The following KLF13 variants were observed in gnomAD, a reference collection of about 807,000 sequenced individuals.
KLF13 encodes the protein KLF transcription factor 13.
A neutral mutation model predicts 16.7 loss-of-function variants in KLF13; 8 were observed. The observed-to-expected ratio is 0.48, with a 90% confidence interval of 0.28 to 0.87. KLF13 has a LOEUF of 0.87. Ranked by LOEUF, KLF13 falls within the 40% of genes least tolerant of loss-of-function variation. The pLI is 0.10. For missense variants in KLF13, 447 were observed against 452.2 expected (o/e 0.99, Z 0.10); for synonymous variants, 245 against 208.4 (o/e 1.18, Z -1.51).
At chr15:31,408,337 G>A (rs2040152189), downstream of KLF13, among the ~76,000 whole-genome samples, 1 of 152,158 alleles carries the variant, frequency 6.6e-6, no homozygotes, top group African/African-American at 2.4e-5. Flanking sequence ...CCTGTTCCTG[G>A]TGGTATAGGT....
At chr15:31,434,005 C>A (rs1301068149) in intron 1 of KLF13, among the ~76,000 whole-genome samples, 1 of 152,160 alleles carries the variant, frequency 6.6e-6, no homozygotes, top group Non-Finnish European at 1.5e-5. Flanking sequence ...TGTAGGAAAT[C>A]TTTTTAGAAC....
chr15:31,364,961 T>C (rs2039443402), intron 1 of KLF13, among the ~76,000 whole-genome samples: 1 of 152,232 alleles, frequency 6.6e-6, no homozygotes, highest in Admixed American at 6.5e-5. Flanking sequence ...GCTGTATGCC[T>C]GAGTTTCATT....
intron 1 of KLF13, among the ~76,000 whole-genome samples, chr15:31,382,987 A>G (rs939062828): frequency 1.3e-5 from 2 of 152,090 alleles, no homozygotes; most frequent in Non-Finnish European, 2.9e-5. Flanking sequence ...TCCATTCCCA[A>G]CCTCACAATT....
intron 1 of KLF13, among the ~76,000 whole-genome samples, chr15:31,365,247 A>T (rs2039447291): frequency 6.6e-6 from 1 of 152,158 alleles, no homozygotes; most frequent in African/African-American, 2.4e-5. Flanking sequence ...TTTGAGTCTG[A>T]CCAGCGCTGC....
chr15:31,340,981 T>C (rs2039013090), intron 1 of KLF13, among the ~76,000 whole-genome samples: 1 of 152,214 alleles, frequency 6.6e-6, no homozygotes, highest in African/African-American at 2.4e-5. Flanking sequence ...CCAGCGCCCC[T>C]GTGCCCTGTG....
chr15:31,363,208 G>A (rs2039416032), intron 1 of KLF13, among the ~76,000 whole-genome samples: 1 of 152,228 alleles, frequency 6.6e-6, no homozygotes, highest in Admixed American at 6.5e-5. Flanking sequence ...GCATTTCAGT[G>A]TGTCTCATCT....
intron 1 of KLF13, among the ~76,000 whole-genome samples, chr15:31,369,800 A>G (rs751135868): frequency 1.6e-4 from 24 of 152,170 alleles, no homozygotes; most frequent in Non-Finnish European, 2.9e-4. Context: ...TTAACTTGGA[A>G]GGCCCTGTTC....
intron 1 of KLF13, among the ~76,000 whole-genome samples, chr15:31,337,217 C>T (rs2038943539): frequency 6.6e-6 from 1 of 152,242 alleles, no homozygotes; most frequent in Non-Finnish European, 1.5e-5. Context: ...AGATTCCCTC[C>T]ATCCCATCGC....
intron 1 of KLF13, among the ~76,000 whole-genome samples, chr15:31,363,859 A>G (rs562587234): frequency 4.6e-4 from 70 of 152,328 alleles, no homozygotes; most frequent in African/African-American, 1.7e-3. Context: ...TTCTCCTAGA[A>G]TGTTTGTGGT....
intron 1 of KLF13, among the ~76,000 whole-genome samples, chr15:31,413,206 A>AAAAAAAAAAAAAAAAAAAAAAAC (rs1566843740): frequency 1.4e-5 from 2 of 145,448 alleles, no homozygotes; most frequent in African/African-American, 2.5e-5. Context: ...AAAAAAACAA[A>AAAAAAAAAAAAAAAAAAAAAAAC]AAACAAAAAA....
At chr15:31,412,609 A>T (rs1288632518) in intron 1 of KLF13, among the ~76,000 whole-genome samples, 2 of 152,250 alleles carry the variant, frequency 1.3e-5, no homozygotes, top group African/African-American at 4.8e-5. Context: ...TCACCACTTT[A>T]AAAAGCAAAG....
At chr15:31,422,632 A>G (rs1422232662) in intron 1 of KLF13, among the ~76,000 whole-genome samples, 1 of 152,208 alleles carries the variant, frequency 6.6e-6, no homozygotes, top group African/African-American at 2.4e-5. Context: ...AAGGTATTAC[A>G]TGCAAATTGC....
upstream of KLF13, among the ~76,000 whole-genome samples, chr15:31,390,830 C>T (rs2039854002): frequency 6.6e-6 from 1 of 151,842 alleles, no homozygotes; most frequent in Admixed American, 6.6e-5. Context: ...GTTTATTTTC[C>T]TTCTTTTCTT....
chr15:31,405,327 G>GA (rs113741435), downstream of KLF13, among the ~76,000 whole-genome samples: 3 of 152,208 alleles, frequency 2.0e-5, no homozygotes, highest in African/African-American at 2.4e-5. Flanking sequence ...AAAACAGAAG[G>GA]AAAAAAAAAG....
At chr15:31,412,636 A>G (rs1226104006) in intron 1 of KLF13, among the ~76,000 whole-genome samples, 1 of 152,208 alleles carries the variant, frequency 6.6e-6, no homozygotes, top group East Asian at 1.9e-4. Flanking sequence ...AGGAACTTCT[A>G]CATGTTTAGG....
At chr15:31,403,016 A>G (rs1023554016) in intron 2 of KLF13, among the ~76,000 whole-genome samples, 2 of 152,188 alleles carry the variant, frequency 1.3e-5, no homozygotes, top group Non-Finnish European at 2.9e-5. Context: ...GGAAAAATGG[A>G]TGCCAGGAAG....
At chr15:31,405,756 C>T (rs938401239), downstream of KLF13, among the ~76,000 whole-genome samples, 3 of 152,112 alleles carry the variant, frequency 2.0e-5, no homozygotes, top group Non-Finnish European at 4.4e-5. Context: ...AAACAGACCC[C>T]GGAACCACAA....
At chr15:31,414,764 CCTCT>C (rs2040236015) in intron 1 of KLF13, among the ~76,000 whole-genome samples, 1 of 152,078 alleles carries the variant, frequency 6.6e-6, no homozygotes, top group Admixed American at 6.5e-5. Context: ...ATTTCAATAT[CCTCT>C]CTCAATGATA....
At chr15:31,410,259 C>A (rs930342769) in intron 1 of KLF13, among the ~76,000 whole-genome samples, 1 of 151,192 alleles carries the variant, frequency 6.6e-6, no homozygotes, top group African/African-American at 2.4e-5. Flanking sequence ...AATAATAAGG[C>A]AATAATGGGG....
Sources: gnomAD v4.1 joint callset for allele counts (sites outside exome capture counted in the v4.1 genomes callset) on GRCh38, gnomAD v4.1.1 for gene constraint, MANE v1.5 for transcripts, NCBI Gene and HGNC (gene_info 2026-07-23, HGNC 2026-07-21) for gene names.